Variants in TM9SF3 observed in about 807,000 individuals in gnomAD.
TM9SF3 encodes SM-11044-binding protein.
In TM9SF3, 14 loss-of-function variants were observed where a neutral mutation model predicts 78.6. The observed-to-expected ratio is 0.18, with a 90% CI of 0.12 to 0.28. The LOEUF (loss-of-function observed/expected upper bound fraction) is 0.28, where lower values mean the gene tolerates loss of function less well. TM9SF3 is among the 10% of genes least tolerant of loss of function. The probability of loss-of-function intolerance (pLI) is 1.00; values close to 1 mark genes in which losing one functional copy is unlikely to be tolerated. For missense variants in TM9SF3, 496 were observed against 721.9 expected, an observed-to-expected ratio of 0.69 and a Z score of 3.59; for synonymous variants, 231 against 241.7, an observed-to-expected ratio of 0.96 and a Z score of 0.41.
chr10:96,538,933 A>G (rs1847990134), intron 9 of TM9SF3, among the ~76,000 whole-genome samples: 1 of 152,240 alleles, frequency 6.6e-6, no homozygotes, highest in African/African-American at 2.4e-5. Context: ...TAAAATGTCA[A>G]AACTATTTTG....
intron 2 of TM9SF3, among the ~76,000 whole-genome samples, chr10:96,573,086 T>G (rs751393590): frequency 3.9e-5 from 6 of 152,206 alleles, no homozygotes; most frequent in Non-Finnish European, 7.4e-5. Flanking sequence ...TTCTCTGGTT[T>G]CACATTTCCA....
chr10:96,576,644 A>C lies in TM9SF3; in HGVS notation c.288T>G (p.Ile96Met). The change falls in exon 2 of 15, where the codon ATT becomes ATG. Residue 96 changes from isoleucine (I) to methionine (M), a missense_variant. By Grantham distance (10) the Ile-to-Met change is conservative. Coordinates refer to ENST00000371142, the MANE Select transcript of TM9SF3 (RefSeq NM_020123.4). ...GVELEFSGLD[I>M]KFKDDVMPAT... ...TTAAGGTTTACTTACCTTTAAATTT[A>C]ATATCCAGACCACTAAATTCCAATT... is the stretch of plus-strand genomic sequence containing the variant. 2 of 1,588,182 alleles carry C rather than the reference A, an allele frequency of 1.3e-6. No individual in the cohort carries two copies. Among genetic ancestry groups the C allele is most frequent in the Non-Finnish European group, 1.7e-6 (2 of 1,171,842 alleles).
chr10:96,547,573 T>C (rs571284920), intron 8 of TM9SF3, among the ~76,000 whole-genome samples: 1 of 150,442 alleles, frequency 6.6e-6, no homozygotes, highest in Admixed American at 6.7e-5. Context: ...TATCTCACAG[T>C]AGGCCAGACA....
At position 96,565,308 on chromosome 10, in the gene TM9SF3, T is replaced by C; in HGVS notation, c.417A>G (p.Ile139Met). 6.5e-7 allele frequency: 1 copy of C among 1,540,898 alleles called. No individual in the cohort carries two copies. The highest frequency in any genetic ancestry group is 1.4e-5 in the African/African-American group (1 of 69,870). Residue 139 changes from isoleucine (I) to methionine (M), a missense_variant, in exon 3 of 15, where the codon ATA becomes ATG. Ile to Met is a conservative substitution (Grantham distance 10). Transcript: ENST00000371142. ...AATACAACATACAATACTTACCCCA[T>C]ATTGGTAAATCATCTATGTACATCT... is the stretch of plus-strand genomic sequence containing the variant. ...WYQMYIDDLP[I>M]WGIVGEADEN...
chr10:96,543,964 G>A, intron 9 of TM9SF3, 112 bp downstream of exon 9: 1 of 1,143,220 alleles, frequency 8.7e-7, no homozygotes, highest in Non-Finnish European at 1.2e-6. Context: ...GACTGAGTAT[G>A]AACTGACTGA....
chr10:96,558,330 T>C (rs1388897857), intron 5 of TM9SF3, among the ~76,000 whole-genome samples: 1 of 152,094 alleles, frequency 6.6e-6, no homozygotes, highest in East Asian at 1.9e-4. Flanking sequence ...CCAAGAGTAG[T>C]ATGCTAAATC....
chr10:96,562,953 G>A (rs1233729237), intron 3 of TM9SF3, among the ~76,000 whole-genome samples: 1 of 151,890 alleles, frequency 6.6e-6, no homozygotes, highest in African/African-American at 2.4e-5. Flanking sequence ...TAAGTATTAG[G>A]GAAAAATATA....
intron 1 of TM9SF3, 132 bp downstream of exon 1, chr10:96,586,602 C>G: frequency 2.7e-6 from 2 of 730,922 alleles, no homozygotes; most frequent in Non-Finnish European, 3.7e-6. Flanking sequence ...TCCGCCAGGC[C>G]CAACCGGAAG....
chr10:96,522,426 C>G lies in TM9SF3; in HGVS notation c.1703-96G>C, dbSNP rs185815908. 7.5e-4 allele frequency: 739 copies of G among 989,974 alleles called. 1 individual carries two copies. Among genetic ancestry groups the G allele is most frequent in the Middle Eastern group, 2.9e-3 (12 of 4,194 alleles). The allele number at this position is 989,974 out of a possible 1,614,324, so 61.3% of individuals were successfully genotyped here. A position where few individuals can be genotyped will look rare whatever the true frequency, so the allele number is the denominator to read the frequency against. On this transcript the variant is annotated intron_variant, in intron 14 of 14. Coordinates refer to ENST00000371142, the MANE Select transcript of TM9SF3 (RefSeq NM_020123.4). ...ATACTCTATGCTCTGGAAAGTTATTCTTTTTTAAAGAAAATATCCTTATGT... is the reference window on the plus strand; with the variant it reads ...ATACTCTATGCTCTGGAAAGTTATTGTTTTTTAAAGAAAATATCCTTATGT...
intron 9 of TM9SF3, among the ~76,000 whole-genome samples, chr10:96,538,935 A>C (rs1276730060): frequency 6.6e-6 from 1 of 152,220 alleles, no homozygotes; most frequent in African/African-American, 2.4e-5. Flanking sequence ...AAATGTCAAA[A>C]CTATTTTGGA....
intron 1 of TM9SF3, among the ~76,000 whole-genome samples, chr10:96,584,261 T>C (rs1463502277): frequency 6.6e-6 from 1 of 152,208 alleles, no homozygotes; most frequent in Non-Finnish European, 1.5e-5. Flanking sequence ...TATTATTCTC[T>C]CTTTACTAGC....
Position 96,520,426 on chromosome 10 carries a change from C to T in TM9SF3, c.*1837G>A, listed in dbSNP as rs1783857588. The T allele has an allele frequency of 6.6e-6, 1 of 152,640 alleles. No individual in the cohort carries two copies. Among genetic ancestry groups the T allele is most frequent in the Non-Finnish European group, 1.5e-5 (1 of 68,430 alleles). 9.5% of individuals were successfully genotyped at this position (152,640 alleles called of 1,614,324 possible). ...CACCTTTTAAAGGACTTACATGTCA[C>T]AATATAGGATGTAGAGTCCATCAAT... On this transcript the variant is annotated 3_prime_UTR_variant, in exon 15 of 15. Coordinates refer to ENST00000371142, the MANE Select transcript of TM9SF3 (RefSeq NM_020123.4).
Position 96,576,719 on chromosome 10 carries a change from T to C in TM9SF3, c.213A>G (p.Lys71=). Residue 71 remains lysine, a synonymous_variant, in exon 2 of 15, where the codon AAA becomes AAG. Transcript: ENST00000371142. The part of the protein sequence containing the change: ...FSLPFCVGSK[K]SISHYHETLG... ...GAGTTTCATGGTAATGACTGATACTTTTTTTTGACCCCACACAGAATGGAA... is the reference window on the plus strand; with the variant it reads ...GAGTTTCATGGTAATGACTGATACTCTTTTTTGACCCCACACAGAATGGAA... 6.2e-7 allele frequency: 1 copy of C among 1,611,970 alleles called. No individual in the cohort carries two copies. The highest frequency in any genetic ancestry group is 8.5e-7 in the Non-Finnish European group (1 of 1,179,194).
chr10:96,585,771 T>G (rs1303860141), intron 1 of TM9SF3, among the ~76,000 whole-genome samples: 7 of 152,156 alleles, frequency 4.6e-5, no homozygotes, highest in Non-Finnish European at 1.0e-4. Flanking sequence ...TCATAGAAAC[T>G]CCTATCATTA....
intron 1 of TM9SF3, among the ~76,000 whole-genome samples, chr10:96,586,434 C>T (rs1031234885): frequency 6.6e-6 from 1 of 152,166 alleles, no homozygotes; most frequent in Non-Finnish European, 1.5e-5. Context: ...CAACCCTTCC[C>T]AGGCTCCTTC....
chr10:96,581,402 A>G (rs1025856766), intron 1 of TM9SF3, among the ~76,000 whole-genome samples: 2 of 152,244 alleles, frequency 1.3e-5, no homozygotes, highest in Non-Finnish European at 2.9e-5. Flanking sequence ...CAAAGGGGGA[A>G]AAATATATGT....
chr10:96,576,864 A>G, intron 1 of TM9SF3, 35 bp from the exon 2 acceptor site: 1 of 1,446,284 alleles, frequency 6.9e-7, no homozygotes, highest in Non-Finnish European at 9.1e-7. Flanking sequence ...ATTAAAAAAA[A>G]AAAACACACT....
chr10:96,582,856 G>T (rs938124311), intron 1 of TM9SF3, among the ~76,000 whole-genome samples: 1 of 152,012 alleles, frequency 6.6e-6, no homozygotes, highest in Non-Finnish European at 1.5e-5. Flanking sequence ...GAGGCAGGCG[G>T]ATCACCTGAT....
At chr10:96,548,113 C>A in intron 7 of TM9SF3, 124 bp from the exon 8 acceptor site, 1 of 590,948 alleles carries the variant, frequency 1.7e-6, no homozygotes, top group South Asian at 2.7e-5. Context: ...AATATCACAA[C>A]CTGGACTACA....
Sources: allele counts gnomAD v4.1 joint callset (sites outside exome capture counted in the v4.1 genomes callset), GRCh38; gene constraint gnomAD v4.1.1; transcripts MANE v1.5; gene names NCBI Gene and HGNC (gene_info 2026-07-23, HGNC 2026-07-21).